FUT8: variants seen among roughly 807,000 people sequenced by gnomAD.
The protein encoded by FUT8 is alpha-(1,6)-fucosyltransferase.
A neutral mutation model predicts 71.3 loss-of-function variants in FUT8; 29 were observed. That is an observed-to-expected ratio of 0.41 (90% CI 0.30 to 0.55). The LOEUF is 0.55. Ranked by LOEUF, FUT8 falls within the 20% of genes least tolerant of loss-of-function variation. The probability of loss-of-function intolerance (pLI) is 0.34; values close to 1 mark genes in which losing one functional copy is unlikely to be tolerated. For synonymous variants in FUT8, 254 were observed against 239.3 expected (o/e 1.06, Z -0.57); for missense variants, 544 against 702.1 (o/e 0.77, Z 2.55).
rs1455084279 is a variant in FUT8, at chr14:65,743,039, T to C, written c.*629T>C. ...ATACATCAGAAAATAAAATATTCAC[T>C]CTCCATTAGAAAATTTTGTAAAACA... On this transcript the variant is annotated 3_prime_UTR_variant, in exon 11 of 11. Coordinates refer to ENST00000673929, the MANE Select transcript of FUT8 (RefSeq NM_001371533.1). 6.6e-6 allele frequency: 1 copy of C among 151,986 alleles called. No individual in the cohort carries two copies. Among genetic ancestry groups the C allele is most frequent in the Non-Finnish European group, 1.5e-5 (1 of 67,830 alleles). The allele number at this position is 151,986 out of a possible 1,614,324, so 9.4% of individuals were successfully genotyped here.
At chr14:65,376,585 AT>A in the FUT8 span, among the ~76,000 whole-genome samples, 1 of 117,264 alleles carries the variant, frequency 8.5e-6, no homozygotes, top group Non-Finnish European at 1.9e-5. Context: ...TAGTTTTTGT[AT>A]TTTTTAGTAG....
chr14:65,371,856 T>C, the FUT8 span, among the ~76,000 whole-genome samples: 1 of 152,338 alleles, frequency 6.6e-6, no homozygotes, highest in South Asian at 2.1e-4. Flanking sequence ...CTTGTTACTA[T>C]TGAGGCATCA....
At chr14:65,608,419 GTTTAA>G (rs1382382010) in intron 3 of FUT8, among the ~76,000 whole-genome samples, 2 of 151,844 alleles carry the variant, frequency 1.3e-5, no homozygotes, top group African/African-American at 4.8e-5. Flanking sequence ...GATGGGAAAA[GTTTAA>G]TTTCTCAGAG....
chr14:65,389,024 CAG>C, the FUT8 span, among the ~76,000 whole-genome samples: 1 of 150,648 alleles, frequency 6.6e-6, no homozygotes, highest in Non-Finnish European at 1.5e-5. Flanking sequence ...ATATTTGAGA[CAG>C]GGGCTTACTC....
intron 2 of FUT8, among the ~76,000 whole-genome samples, chr14:65,537,378 T>G (rs992857719): frequency 5.3e-5 from 8 of 151,564 alleles, no homozygotes; most frequent in African/African-American, 1.5e-4. Flanking sequence ...TTACTATGAT[T>G]ATTATTATTA....
chr14:65,534,847 T>C (rs1884188339), intron 2 of FUT8, among the ~76,000 whole-genome samples: 1 of 151,612 alleles, frequency 6.6e-6, no homozygotes, highest in Non-Finnish European at 1.5e-5. Context: ...TCTATGAATC[T>C]TGTTAATTTT....
At chr14:65,656,181 A>G (rs1891673211) in intron 6 of FUT8, among the ~76,000 whole-genome samples, 1 of 152,118 alleles carries the variant, frequency 6.6e-6, no homozygotes, top group Admixed American at 6.5e-5. Context: ...TTGTTTGCAG[A>G]CTATATGGTT....
At chr14:65,682,051 C>T (rs1262603308) in intron 7 of FUT8, among the ~76,000 whole-genome samples, 1 of 152,162 alleles carries the variant, frequency 6.6e-6, no homozygotes. Flanking sequence ...TACTATCTGG[C>T]CCTTTACAGA....
chr14:65,369,764 C>T, the FUT8 span, among the ~76,000 whole-genome samples: 6 of 152,200 alleles, frequency 3.9e-5, no homozygotes, highest in African/African-American at 1.4e-4. This position sits in a 1 kb window ranked among gnomAD's most constrained non-coding sequence, Gnocchi z 4.6. Flanking sequence ...AGTGCCCACT[C>T]CTTTCTCAGG....
chr14:65,738,270 A>G (rs1278052777), intron 10 of FUT8, among the ~76,000 whole-genome samples: 1 of 152,056 alleles, frequency 6.6e-6, no homozygotes, highest in African/African-American at 2.4e-5. Flanking sequence ...GCCACTTCCA[A>G]CTTCTCACAC....
chr14:65,429,046 T>A (rs1251380643), intron 1 of FUT8, among the ~76,000 whole-genome samples: 1 of 152,182 alleles, frequency 6.6e-6, no homozygotes, highest in Non-Finnish European at 1.5e-5. Context: ...TAAAAAATAG[T>A]GTACATGTGT....
chr14:65,710,715 C>T (rs1894772694), intron 7 of FUT8, among the ~76,000 whole-genome samples: 1 of 152,148 alleles, frequency 6.6e-6, no homozygotes, highest in Non-Finnish European at 1.5e-5. Flanking sequence ...CCCTTTCTAG[C>T]ACAGTGTTCA....
At chr14:65,435,780 G>A (rs2065546566) in intron 1 of FUT8, among the ~76,000 whole-genome samples, 1 of 145,862 alleles carries the variant, frequency 6.9e-6, no homozygotes, top group South Asian at 2.2e-4. Context: ...GGTAGTATCT[G>A]TTCCTTTTTC....
In FUT8 at chr14:65,413,644, G is replaced by T. The variant is rs868808027; in HGVS notation, c.-326+430G>T. ...AGTCGCGGTTTGTGGGGAGGAAGAT[G>T]CCCGTGCGTTATGGGCTCTTTCTGA... On this transcript the variant is annotated intron_variant, in intron 1 of 10. Transcript: ENST00000673929. The surrounding 1 kb of genome is among the most constrained non-coding windows in gnomAD (Gnocchi z 4.1). Among the ~76,000 whole-genome samples, 1 of 152,190 alleles carries T rather than the reference G, an allele frequency of 6.6e-6. No individual in the cohort carries two copies. Among genetic ancestry groups the T allele is most frequent in the Non-Finnish European group, 1.5e-5 (1 of 68,030 alleles).
At chr14:65,568,678 G>A (rs1297412652) in intron 3 of FUT8, among the ~76,000 whole-genome samples, 2 of 150,804 alleles carry the variant, frequency 1.3e-5, no homozygotes, top group East Asian at 1.9e-4. Context: ...TAATGGCTTA[G>A]CAAATGACTT....
At chr14:65,692,508 ACC>A (rs375551950) in intron 7 of FUT8, among the ~76,000 whole-genome samples, 153 of 13,770 alleles carry the variant, frequency 0.011, 40 homozygotes, top group African/African-American at 0.057. Context: ...CGGGGGGCTG[ACC>A]CCCCCCCCAC....
At position 65,512,887 on chromosome 14, in the gene FUT8, GAC is replaced by G. The variant is rs576396710; in HGVS notation, c.-227-48448_-227-48447del. On this transcript the variant is annotated intron_variant, in intron 2 of 10. Transcript: ENST00000673929. ...CACGCCACTGCACTCCAGCCTGGGC[GAC>G]AGAGTGAGACTCTGTCTCAAAAAAA... Among the ~76,000 whole-genome samples, 1,096 of 134,422 alleles carry G rather than the reference GAC, an allele frequency of 8.2e-3. 7 individuals are homozygous for G. Among genetic ancestry groups the G allele is most frequent in the Non-Finnish European group, 0.011 (709 of 65,954 alleles). The allele number at this position is 134,422 out of a possible 152,430, so 88.2% of individuals were successfully genotyped here. A position where few individuals can be genotyped will look rare whatever the true frequency, so the allele number is the denominator to read the frequency against.
intron 2 of FUT8, among the ~76,000 whole-genome samples, chr14:65,508,501 T>G (rs1282497334): frequency 7.8e-6 from 1 of 127,814 alleles, no homozygotes; most frequent in East Asian, 2.2e-4. Context: ...GTTTTTTTTT[T>G]TTTTTTTTTT....
intron 7 of FUT8, among the ~76,000 whole-genome samples, chr14:65,709,783 A>G (rs2139309487): frequency 1.3e-5 from 2 of 152,320 alleles, no homozygotes; most frequent in Non-Finnish European, 2.9e-5. Flanking sequence ...GGAGGAACCA[A>G]ACGTGTGAGG....
Sources: gnomAD v4.1 joint callset for allele counts (sites outside exome capture counted in the v4.1 genomes callset) on GRCh38, gnomAD v4.1.1 for gene constraint, Gnocchi (gnomAD v3.1) non-coding constraint, MANE v1.5 for transcripts, NCBI Gene and HGNC (gene_info 2026-07-23, HGNC 2026-07-21) for gene names.